The following RBFOX1 variants were observed in gnomAD, a reference collection of about 807,000 sequenced individuals.
The protein encoded by RBFOX1 is RNA binding fox-1 homolog 1, also known as RNA binding protein fox-1 homolog 1.
Under a neutral mutation model 57.7 loss-of-function variants are expected in RBFOX1, and 8 were observed. The ratio of observed to expected loss-of-function variants is 0.14; its 90% CI spans 0.08 to 0.25. The LOEUF is 0.25. Among genes scored for constraint, RBFOX1 ranks in the 10% least tolerant of loss-of-function variants. RBFOX1 has a pLI of 1.00. For synonymous variants in RBFOX1, 326 were observed against 222.4 expected (o/e 1.47, Z -4.15); for missense variants, 611 against 548.5 (o/e 1.11, Z -1.14).
At chr16:6,924,403 C>T (rs554799989) in intron 3 of RBFOX1, among the ~76,000 whole-genome samples, 2 of 152,000 alleles carry the variant, frequency 1.3e-5, no homozygotes, top group South Asian at 4.2e-4. Flanking sequence ...TTTAAACAAC[C>T]AGATCTCGTG....
intron 4 of RBFOX1, among the ~76,000 whole-genome samples, chr16:7,187,793 A>C (rs2084302835): frequency 1.3e-5 from 2 of 151,428 alleles, no homozygotes; most frequent in South Asian, 4.2e-4. Flanking sequence ...AATATTCATC[A>C]GCATTTTTCT....
intron 4 of RBFOX1, among the ~76,000 whole-genome samples, chr16:7,067,392 A>G (rs987004544): frequency 3.3e-5 from 5 of 152,190 alleles, no homozygotes; most frequent in African/African-American, 1.2e-4. Flanking sequence ...TCACTGAAGT[A>G]AAACTGAAAT....
At chr16:5,691,876 T>G (rs572786524) in intron 3 of RBFOX1, among the ~76,000 whole-genome samples, 1 of 152,296 alleles carries the variant, frequency 6.6e-6, no homozygotes, top group South Asian at 2.1e-4. Flanking sequence ...CCCATCCAGT[T>G]GGGATTCAAG....
At chr16:6,428,358 A>G (rs575070756) in intron 2 of RBFOX1, among the ~76,000 whole-genome samples, 5 of 151,604 alleles carry the variant, frequency 3.3e-5, no homozygotes, top group Non-Finnish European at 7.4e-5. Flanking sequence ...TACCATTTTC[A>G]TTATTATTAA....
intron 1 of RBFOX1, among the ~76,000 whole-genome samples, chr16:6,258,474 C>T (rs74824418): frequency 0.014 from 2,207 of 152,270 alleles, 67 homozygotes; most frequent in African/African-American, 0.05. Flanking sequence ...ATGAATTTTA[C>T]ACTCTGTTTC....
intron 4 of RBFOX1, among the ~76,000 whole-genome samples, chr16:7,230,683 A>AG (rs1363631521): frequency 2.0e-5 from 3 of 152,214 alleles, no homozygotes; most frequent in Non-Finnish European, 4.4e-5. Flanking sequence ...TAAATATAGA[A>AG]GGGGAGAGCC....
chr16:5,493,059 C>G (rs1381170369), intron 2 of RBFOX1, among the ~76,000 whole-genome samples: 1 of 152,180 alleles, frequency 6.6e-6, no homozygotes, highest in Non-Finnish European at 1.5e-5. Context: ...TACATATTGT[C>G]TGTGACTTCT....
chr16:7,024,177 A>G (rs1222342059), intron 3 of RBFOX1, among the ~76,000 whole-genome samples: 1 of 152,176 alleles, frequency 6.6e-6, no homozygotes, highest in Non-Finnish European at 1.5e-5. Flanking sequence ...TAATCATTTA[A>G]TAAATATTAA....
intron 3 of RBFOX1, among the ~76,000 whole-genome samples, chr16:6,709,371 A>C (rs1365388855): frequency 6.6e-6 from 1 of 152,194 alleles, no homozygotes; most frequent in Non-Finnish European, 1.5e-5. Flanking sequence ...ATAAATTTCA[A>C]GCATGCATCA....
intron 3 of RBFOX1, among the ~76,000 whole-genome samples, chr16:5,830,293 T>C (rs1286127880): frequency 6.6e-6 from 1 of 152,186 alleles, no homozygotes; most frequent in Non-Finnish European, 1.5e-5. Flanking sequence ...GGTGGAATCA[T>C]TTTAGCCCAG....
chr16:5,957,461 G>A (rs2059667000), intron 4 of RBFOX1, among the ~76,000 whole-genome samples: 3 of 152,226 alleles, frequency 2.0e-5, no homozygotes, highest in South Asian at 4.1e-4. Flanking sequence ...CTCACCTCAA[G>A]TGATCTGCCT....
chr16:5,765,046 A>G (rs2053728417), intron 3 of RBFOX1, among the ~76,000 whole-genome samples: 2 of 152,200 alleles, frequency 1.3e-5, no homozygotes, highest in Admixed American at 1.3e-4. Flanking sequence ...AGGAAACACC[A>G]TCAAATGTCA....
chr16:7,578,202 A>C (rs967454229), intron 5 of RBFOX1, among the ~76,000 whole-genome samples: 1 of 152,226 alleles, frequency 6.6e-6, no homozygotes, highest in African/African-American at 2.4e-5. Context: ...GTTAGCACAC[A>C]TTAATCAATC....
In RBFOX1 at chr16:7,505,906, C is replaced by T. The variant is rs566546728; in HGVS notation, c.28-12241C>T. Among the ~76,000 whole-genome samples the T allele has an allele frequency of 2.6e-5, 4 of 152,228 alleles. No individual in the cohort carries two copies. The East Asian group carries it at 7.7e-4, about 29-fold the overall frequency. On this transcript the variant is annotated intron_variant, in intron 4 of 15. Coordinates refer to ENST00000550418, the MANE Select transcript of RBFOX1 (RefSeq NM_018723.4). ...CTTTGTTCAAGAGATAATTTTCTGG[C>T]CAGGTGCAGTGGCTCATGCCTGTAA... is the stretch of plus-strand genomic sequence containing the variant.
At chr16:7,390,385 C>A (rs4488458) in intron 4 of RBFOX1, among the ~76,000 whole-genome samples, 2 of 152,176 alleles carry the variant, frequency 1.3e-5, no homozygotes, top group African/African-American at 2.4e-5. Context: ...AACTCATGTT[C>A]TTAACTATGA....
At chr16:5,598,081 G>C (rs1399997969) in intron 2 of RBFOX1, among the ~76,000 whole-genome samples, 1 of 152,094 alleles carries the variant, frequency 6.6e-6, no homozygotes, top group African/African-American at 2.4e-5. Flanking sequence ...TGGATCACCT[G>C]AGGTCAGGAG....
chr16:7,383,507 T>C (rs1265901640), intron 4 of RBFOX1, among the ~76,000 whole-genome samples: 1 of 152,156 alleles, frequency 6.6e-6, no homozygotes, highest in Non-Finnish European at 1.5e-5. Context: ...TAATGAAACT[T>C]GGAATTCATC....
intron 4 of RBFOX1, among the ~76,000 whole-genome samples, chr16:7,066,006 A>C (rs1473396606): frequency 1.3e-5 from 2 of 152,178 alleles, no homozygotes; most frequent in East Asian, 1.9e-4. Flanking sequence ...ACAAAAAAAA[A>C]CTATTACCAA....
At chr16:5,716,103 C>T (rs1480475706) in intron 3 of RBFOX1, among the ~76,000 whole-genome samples, 1 of 152,176 alleles carries the variant, frequency 6.6e-6, no homozygotes, top group African/African-American at 2.4e-5. Context: ...ACCAGAGATT[C>T]CATTTCACAT....
Sources: allele counts gnomAD v4.1 joint callset (sites outside exome capture counted in the v4.1 genomes callset), GRCh38; gene constraint gnomAD v4.1.1; transcripts MANE v1.5; gene names NCBI Gene and HGNC (gene_info 2026-07-23, HGNC 2026-07-21).